RTL4: variants seen among roughly 807,000 people sequenced by gnomAD.
The protein encoded by RTL4 is retrotransposon Gag like 4.
Under a neutral mutation model 5.3 loss-of-function variants are expected in RTL4, and 4 were observed. The ratio of observed to expected loss-of-function variants is 0.75; its 90% CI spans 0.37 to 1.72. The LOEUF is 1.72. RTL4 is among the 40% of genes most tolerant of loss of function. RTL4 has a pLI of 0.04. For missense variants in RTL4, 260 were observed against 227.1 expected (o/e 1.14, Z -0.93); for synonymous variants, 98 against 87.3 (o/e 1.12, Z -0.68).
chrX:112,342,783 T>C, the RTL4 span, among the ~76,000 whole-genome samples: 1 of 110,895 alleles, frequency 9.0e-6, no homozygotes, highest in African/African-American at 3.3e-5. Flanking sequence ...GGAAAGTGAG[T>C]TTTACCTTCA....
chrX:112,403,706 C>T, the RTL4 span, among the ~76,000 whole-genome samples: 1 of 112,162 alleles, frequency 8.9e-6, no homozygotes, highest in Non-Finnish European at 1.9e-5. Context: ...CTCTTCTTTT[C>T]TCACCTGCTA....
At chrX:112,133,556 A>T in the RTL4 span, among the ~76,000 whole-genome samples, 1 of 111,545 alleles carries the variant, frequency 9.0e-6, no homozygotes, top group African/African-American at 3.3e-5. Context: ...GCAGTTTGAA[A>T]ACAGTTGATC....
chrX:112,161,255 C>T, the RTL4 span, among the ~76,000 whole-genome samples: 3 of 111,619 alleles, frequency 2.7e-5, no homozygotes, highest in Non-Finnish European at 5.6e-5. Flanking sequence ...TTAGGCTGTT[C>T]TTATAGGTGC....
At chrX:112,400,804 G>T in the RTL4 span, among the ~76,000 whole-genome samples, 1 of 111,848 alleles carries the variant, frequency 8.9e-6, no homozygotes, top group African/African-American at 3.2e-5. Context: ...TTGAATACCT[G>T]AAGGGACACT....
At chrX:112,428,726 T>C in the RTL4 span, among the ~76,000 whole-genome samples, 1 of 111,362 alleles carries the variant, frequency 9.0e-6, no homozygotes, top group Non-Finnish European at 1.9e-5. Context: ...GCCTGCAAGG[T>C]CTGTCCTTTT....
At chrX:112,355,598 G>T in the RTL4 span, among the ~76,000 whole-genome samples, 2 of 111,263 alleles carry the variant, frequency 1.8e-5, no homozygotes, top group African/African-American at 6.5e-5. Context: ...GTTAGCTGCT[G>T]GATGGGCCAC....
the RTL4 span, among the ~76,000 whole-genome samples, chrX:112,161,848 T>C: frequency 2.7e-3 from 103 of 38,268 alleles, no homozygotes; most frequent in African/African-American, 8.1e-3. Context: ...TTCCTTCCTT[T>C]CTTTCTTTCT....
At chrX:112,283,942 C>T in the RTL4 span, among the ~76,000 whole-genome samples, 5 of 110,130 alleles carry the variant, frequency 4.5e-5, no homozygotes, top group South Asian at 3.8e-4. Context: ...CTAGCACCTA[C>T]GTAAAAAAGG....
At chrX:112,432,655 C>T in the RTL4 span, among the ~76,000 whole-genome samples, 7 of 85,594 alleles carry the variant, frequency 8.2e-5, no homozygotes, top group South Asian at 6.5e-4. Context: ...GAGTAGGTTG[C>T]GAAAATTTTC....
chrX:112,397,127 T>C, the RTL4 span, among the ~76,000 whole-genome samples: 3 of 112,003 alleles, frequency 2.7e-5, no homozygotes, highest in Non-Finnish European at 5.6e-5. Context: ...GTGGAGCGTC[T>C]ACATACAGTC....
the RTL4 span, among the ~76,000 whole-genome samples, chrX:112,405,771 G>T: frequency 1.9e-4 from 21 of 111,062 alleles, no homozygotes; most frequent in African/African-American, 4.6e-4. Context: ...CCAAAATACA[G>T]GTGACCACTA....
the RTL4 span, among the ~76,000 whole-genome samples, chrX:112,283,667 G>T: frequency 2.7e-5 from 3 of 111,187 alleles, no homozygotes; most frequent in Non-Finnish European, 5.7e-5. Context: ...ATATCTAGGA[G>T]CCCACAACCA....
the RTL4 span, among the ~76,000 whole-genome samples, chrX:112,373,330 A>T: frequency 1.8e-5 from 2 of 111,420 alleles, no homozygotes; most frequent in African/African-American, 6.5e-5. Flanking sequence ...CCATCCTCAT[A>T]GGCACATAGT....
chrX:112,448,578 T>C, the RTL4 span, among the ~76,000 whole-genome samples: 1 of 111,669 alleles, frequency 9.0e-6, no homozygotes, highest in Non-Finnish European at 1.9e-5. Context: ...CTCTGATTCT[T>C]GGAGCCCCCT....
chrX:112,319,609 C>T, the RTL4 span, among the ~76,000 whole-genome samples: 2 of 111,435 alleles, frequency 1.8e-5, no homozygotes, highest in Non-Finnish European at 3.8e-5. Flanking sequence ...GAGACATTTC[C>T]ACCGCCCCTA....
At chrX:112,250,777 AC>A in the RTL4 span, among the ~76,000 whole-genome samples, 946 of 111,708 alleles carry the variant, frequency 8.5e-3, 15 homozygotes, top group African/African-American at 0.029. Context: ...GGTAACATTT[AC>A]CCCCCAGAGG....
chrX:112,324,196 G>A, the RTL4 span, among the ~76,000 whole-genome samples: 9 of 112,264 alleles, frequency 8.0e-5, no homozygotes, highest in East Asian at 2.8e-4. Context: ...GTGGCCTTTC[G>A]TATCTGGCTT....
chrX:112,317,822 A>G, the RTL4 span, among the ~76,000 whole-genome samples: 2 of 111,776 alleles, frequency 1.8e-5, no homozygotes, highest in African/African-American at 6.5e-5. Flanking sequence ...TAAGTGGTAG[A>G]GTTGGGACTC....
At chrX:112,152,624 G>C in the RTL4 span, among the ~76,000 whole-genome samples, 1 of 111,930 alleles carries the variant, frequency 8.9e-6, no homozygotes, top group Non-Finnish European at 1.9e-5. Flanking sequence ...GATAAACACA[G>C]CTAGGTAGTA....
Sources: gnomAD v4.1 joint callset for allele counts (sites outside exome capture counted in the v4.1 genomes callset) on GRCh38, gnomAD v4.1.1 for gene constraint, MANE v1.5 for transcripts, NCBI Gene and HGNC (gene_info 2026-07-23, HGNC 2026-07-21) for gene names.